The following ZFP1 variants were observed in gnomAD, a reference collection of about 807,000 sequenced individuals.
ZFP1 encodes the protein ZFP1 zinc finger protein, also known as zinc finger protein 1 homolog.
A neutral mutation model predicts 38.5 loss-of-function variants in ZFP1; 32 were observed. The ratio of observed to expected loss-of-function variants is 0.83; its 90% CI spans 0.63 to 1.12. ZFP1 has a LOEUF of 1.12. ZFP1 is among the 50% of genes most tolerant of loss of function. ZFP1 has a pLI of 0.00. For synonymous variants in ZFP1, 245 were observed against 168.8 expected (o/e 1.45, Z -3.50); for missense variants, 616 against 480.8 (o/e 1.28, Z -2.63).
Position 75,169,648 on chromosome 16 carries a change from T to G in ZFP1, c.538T>G (p.Leu180Val). The G allele has an allele frequency of 1.3e-6, 2 of 1,595,608 alleles. No homozygotes were observed. Among genetic ancestry groups the G allele is most frequent in the Non-Finnish European group, 1.7e-6 (2 of 1,175,068 alleles). Reference protein sequence around the residue: ...AIFKHQKIKNLVQPFICTYCD... With the variant: ...AIFKHQKIKNVVQPFICTYCD... ...TTTTAAACATCAGAAAATAAAAAAC[T>G]TGGTTCAACCTTTCATTTGTACTTA... is the stretch of plus-strand genomic sequence containing the variant. Residue 180 changes from leucine to valine, a missense_variant, in exon 4 of 4, where the codon TTG (leucine) becomes GTG (valine). Transcript: ENST00000570010.
In ZFP1 at chr16:75,169,789, C is replaced by G. The variant is rs1567543839; in HGVS notation, c.679C>G (p.Leu227Val). The stretch of plus-strand genomic sequence containing the variant: ...GAAAACCTTCTCCCATAAGGCCAAC[C>G]TCATCAAACATCAGAGAATTCACAC... The part of the protein sequence containing the change: ...CKKTFSHKAN[L>V]IKHQRIHTGE... Residue 227 changes from leucine to valine, a missense_variant, in exon 4 of 4, where the codon CTC becomes GTC. Leu to Val is a conservative substitution (Grantham distance 32). Coordinates refer to ENST00000570010, the MANE Select transcript of ZFP1 (RefSeq NM_153688.4). 8.1e-6 allele frequency: 13 copies of G among 1,614,018 alleles called. No homozygotes were observed. Among genetic ancestry groups the G allele is most frequent in the Non-Finnish European group, 1.1e-5 (13 of 1,179,990 alleles).
chr16:75,122,726 G>C, the ZFP1 span, among the ~76,000 whole-genome samples: 1 of 152,214 alleles, frequency 6.6e-6, no homozygotes, highest in Non-Finnish European at 1.5e-5. Context: ...AATAGTGTTT[G>C]TTTTGGAAAA....
the ZFP1 span, among the ~76,000 whole-genome samples, chr16:75,137,191 G>C: frequency 1.3e-5 from 2 of 152,104 alleles, no homozygotes; most frequent in African/African-American, 4.8e-5. Context: ...CATGTCAAAG[G>C]GGCCCAGGAG....
chr16:75,120,313 C>T, the ZFP1 span, among the ~76,000 whole-genome samples: 9 of 152,134 alleles, frequency 5.9e-5, no homozygotes, highest in Non-Finnish European at 1.0e-4. Context: ...TCTCCTTTCT[C>T]TTGCACCCTC....
At chr16:75,163,519 C>G (rs548803580) in intron 2 of ZFP1, among the ~76,000 whole-genome samples, 1 of 151,936 alleles carries the variant, frequency 6.6e-6, no homozygotes, top group African/African-American at 2.4e-5. Flanking sequence ...ACCATGTTGT[C>G]CAGGCTGGTA....
At chr16:75,121,400 C>T in the ZFP1 span, among the ~76,000 whole-genome samples, 2 of 152,134 alleles carry the variant, frequency 1.3e-5, no homozygotes, top group Non-Finnish European at 2.9e-5. Flanking sequence ...GTTGGGATTA[C>T]AGGAATGAAC....
chr16:75,143,873 C>G (rs758605989), upstream of ZFP1, among the ~76,000 whole-genome samples: 52 of 151,808 alleles, frequency 3.4e-4, no homozygotes, highest in Non-Finnish European at 6.9e-4. Flanking sequence ...AGGCTTGTCT[C>G]AAACTCCTGG....
chr16:75,119,374 A>G, the ZFP1 span, among the ~76,000 whole-genome samples: 3 of 152,054 alleles, frequency 2.0e-5, no homozygotes, highest in African/African-American at 7.2e-5. Context: ...GTCAAGATCT[A>G]AAGTTCATTT....
In ZFP1 at chr16:75,161,757, A is replaced by AATATATATATATATATATATATAT. The variant is rs1338490455; in HGVS notation, c.16-4995_16-4994insATATATATATATATATATATATAT. Among the ~76,000 whole-genome samples the AATATATATATATATATATATATAT allele has an allele frequency of 5.5e-3, 78 of 14,270 alleles. 6 individuals are homozygous for AATATATATATATATATATATATAT. The highest frequency in any genetic ancestry group is 7.0e-3 in the African/African-American group (26 of 3,726). 9.4% of individuals were successfully genotyped at this position (14,270 alleles called of 152,430 possible). On this transcript the variant is annotated intron_variant, in intron 2 of 3. Transcript: ENST00000570010. The stretch of plus-strand genomic sequence containing the variant: ...CAAATAAAGCATAGTAGTTTTATGA[A>AATATATATATATATATATATATAT]ATATATATATATATATATTTTTTTT...
chr16:75,155,590 T>C (rs1195098451), intron 2 of ZFP1, among the ~76,000 whole-genome samples: 1 of 152,234 alleles, frequency 6.6e-6, no homozygotes, highest in Non-Finnish European at 1.5e-5. Flanking sequence ...AAATGTGTTA[T>C]AACAACATAT....
chr16:75,132,825 ATTT>A, the ZFP1 span, among the ~76,000 whole-genome samples: 3 of 134,806 alleles, frequency 2.2e-5, no homozygotes, highest in Non-Finnish European at 1.6e-5. Flanking sequence ...CATGGCTAGT[ATTT>A]TTTTTTTTTT....
At chr16:75,149,049 G>A (rs991453967) in intron 1 of ZFP1, 1 of 151,494 alleles carries the variant, frequency 6.6e-6, no homozygotes, top group African/African-American at 2.4e-5. Flanking sequence ...GATGCCCGGT[G>A]CCTCGTGGGT....
In ZFP1 at chr16:75,170,155, G is replaced by A. The variant is rs201291178; in HGVS notation, c.1045G>A (p.Glu349Lys). 6.2e-7 allele frequency: 1 copy of A among 1,614,034 alleles called. No individual in the cohort carries two copies. Among genetic ancestry groups the A allele is most frequent in the Non-Finnish European group, 8.5e-7 (1 of 1,180,028 alleles). Residue 349 changes from glutamate to lysine, a missense_variant, in exon 4 of 4, where the codon GAG (glutamate) becomes AAG (lysine). By Grantham distance (56) the Glu-to-Lys change is moderately conservative. Coordinates refer to ENST00000570010, the MANE Select transcript of ZFP1 (RefSeq NM_153688.4). ...LIIHMRTHTG[E>K]KPYECTECGK... is the part of the protein sequence containing the mutation. ...CATACACATGAGAACTCATACAGGA[G>A]AGAAACCCTATGAATGTACTGAGTG... is the stretch of plus-strand genomic sequence containing the variant.
chr16:75,137,821 T>G, the ZFP1 span, among the ~76,000 whole-genome samples: 2 of 152,004 alleles, frequency 1.3e-5, no homozygotes, highest in South Asian at 2.1e-4. Flanking sequence ...GAGCATCACT[T>G]GAGCCCAGGA....
At chr16:75,123,262 G>C in the ZFP1 span, among the ~76,000 whole-genome samples, 3 of 151,314 alleles carry the variant, frequency 2.0e-5, no homozygotes, top group African/African-American at 7.3e-5. Flanking sequence ...GCTGAGGCAG[G>C]AGAATCACTT....
upstream of ZFP1, among the ~76,000 whole-genome samples, chr16:75,146,912 C>G (rs1159504716): frequency 7.4e-6 from 1 of 135,972 alleles, no homozygotes; most frequent in African/African-American, 2.9e-5. Context: ...TGCACTCCAA[C>G]CTGGGTGACA....
rs148345136 is a variant in ZFP1 at position 75,169,743 on chromosome 16, A to G, written c.633A>G (p.Pro211=). The G allele has an allele frequency of 4.0e-5, 64 of 1,613,264 alleles. 2 individuals are homozygous for G. In the South Asian group the frequency reaches 5.7e-4, roughly 14 times the overall value. Residue 211 remains proline (P), a synonymous_variant, in exon 4 of 4, where the codon CCA becomes CCG. Coordinates refer to ENST00000570010, the MANE Select transcript of ZFP1 (RefSeq NM_153688.4). ...SHKRIHTGEK[P]YECNVCKKTF... is the part of the protein sequence containing the mutation. ...AGAGAATACATACTGGAGAAAAGCC[A>G]TATGAATGCAATGTATGTAAGAAAA...
At position 75,170,274 on chromosome 16, in the gene ZFP1, C is replaced by G; in HGVS notation, c.1164C>G (p.Ala388=). ...KPYECSECGK[A]FSRKSRLSVH... ...ATGAGTGTTCCGAATGTGGGAAGGC[C>G]TTTAGCAGGAAGTCCCGACTCAGTG... The change falls in exon 4 of 4, where the codon GCC becomes GCG. Residue 388 remains alanine (A), a synonymous_variant. Coordinates refer to ENST00000570010, the MANE Select transcript of ZFP1 (RefSeq NM_153688.4). 6.2e-7 allele frequency: 1 copy of G among 1,611,940 alleles called. No individual in the cohort carries two copies. Among genetic ancestry groups the G allele is most frequent in the Non-Finnish European group, 8.5e-7 (1 of 1,178,718 alleles).
the ZFP1 span, chr16:75,119,540 T>A: frequency 2.0e-5 from 3 of 152,176 alleles, no homozygotes; most frequent in South Asian, 6.2e-4. Context: ...TCCCTGCTTC[T>A]AGGATGGTAG....
Sources: allele counts gnomAD v4.1 joint callset (sites outside exome capture counted in the v4.1 genomes callset), GRCh38; gene constraint gnomAD v4.1.1; transcripts MANE v1.5; gene names NCBI Gene and HGNC (gene_info 2026-07-23, HGNC 2026-07-21).